DLGAP2: variants seen among roughly 807,000 people sequenced by gnomAD.
DLGAP2 encodes DLG associated protein 2.
Under a neutral mutation model 100.3 loss-of-function variants are expected in DLGAP2, and 26 were observed. The observed-to-expected ratio is 0.26, with a 90% CI of 0.19 to 0.36. The LOEUF (loss-of-function observed/expected upper bound fraction) is 0.36, where lower values mean the gene tolerates loss of function less well. Among genes scored for constraint, DLGAP2 ranks in the 10% least tolerant of loss-of-function variants. The probability of loss-of-function intolerance (pLI) is 1.00; values close to 1 mark genes in which losing one functional copy is unlikely to be tolerated. For missense variants in DLGAP2, 1,858 were observed against 1,453.2 expected, an observed-to-expected ratio of 1.28 and a Z score of -4.53; for synonymous variants, 886 against 630.1, an observed-to-expected ratio of 1.41 and a Z score of -6.08.
chr8:1,266,326 C>A (rs1049099006), intron 3 of DLGAP2, among the ~76,000 whole-genome samples: 2 of 152,344 alleles, frequency 1.3e-5, no homozygotes, highest in East Asian at 3.9e-4. Context: ...CAGGACGCTT[C>A]TGGTTTCCAG....
rs143861116 is a variant in DLGAP2, at chr8:1,421,935, T to C, written c.107-79431T>C. Among the ~76,000 whole-genome samples, 17 of 151,974 alleles carry C rather than the reference T, an allele frequency of 1.1e-4. No individual in the cohort carries two copies. In the East Asian group the frequency reaches 3.3e-3, roughly 29 times the overall value. On this transcript the variant is annotated intron_variant, in intron 3 of 14. Coordinates refer to ENST00000637795, the MANE Select transcript of DLGAP2 (RefSeq NM_001346810.2). ...GAGCCGTGATCATGCCATTGCACTC[T>C]AGCCTGGGCGACAAAGTGAGACTCC... is the stretch of plus-strand genomic sequence containing the variant.
Position 899,943 on chromosome 8 carries a change from G to A in DLGAP2, c.19-7969G>A, listed in dbSNP as rs369362068. On this transcript the variant is annotated intron_variant, in intron 1 of 14. Transcript: ENST00000637795. ...ATGCACCCTCCCTCCCGAGGCCAGC[G>A]GGAACAGCGAGAATCACCATCCCAG... Among the ~76,000 whole-genome samples the A allele has an allele frequency of 2.1e-3, 322 of 152,316 alleles. 1 individual carries two copies. Among genetic ancestry groups the A allele is most frequent in the African/African-American group, 7.5e-3 (311 of 41,556 alleles).
intron 2 of DLGAP2, among the ~76,000 whole-genome samples, chr8:1,208,624 C>T (rs915064551): frequency 1.3e-5 from 2 of 152,084 alleles, no homozygotes; most frequent in South Asian, 4.2e-4. Context: ...GAAGTCCTAG[C>T]CAGAGCAATC....
chr8:781,807 T>A lies in DLGAP2; in HGVS notation c.18+43982T>A, dbSNP rs923986111. On this transcript the variant is annotated intron_variant, in intron 1 of 14. Coordinates refer to ENST00000637795, the MANE Select transcript of DLGAP2 (RefSeq NM_001346810.2). ...ATTTCCTGACATAGGTTTGTTAGAGTTTTTTTGCAACAACAATTATATAAC... is the reference window on the plus strand; with the variant it reads ...ATTTCCTGACATAGGTTTGTTAGAGATTTTTTGCAACAACAATTATATAAC... 2.0e-5 allele frequency among the ~76,000 whole-genome samples: 3 copies of A among 152,224 alleles called. 1 individual carries two copies. In the South Asian group the frequency reaches 6.2e-4, roughly 32 times the overall value.
At chr8:1,059,494 T>C (rs1163462418) in intron 2 of DLGAP2, among the ~76,000 whole-genome samples, 2 of 152,020 alleles carry the variant, frequency 1.3e-5, no homozygotes, top group African/African-American at 4.8e-5. Flanking sequence ...TGCAAGAGGA[T>C]TGAATGAGCA....
intron 2 of DLGAP2, among the ~76,000 whole-genome samples, chr8:979,055 G>A (rs561458298): frequency 6.6e-6 from 1 of 152,118 alleles, no homozygotes; most frequent in African/African-American, 2.4e-5. Flanking sequence ...GTGTTCAGGA[G>A]CATGCAGTCC....
chr8:834,820 A>G (rs1006940673), intron 1 of DLGAP2, among the ~76,000 whole-genome samples: 2 of 152,174 alleles, frequency 1.3e-5, no homozygotes, highest in Non-Finnish European at 2.9e-5. Context: ...CAGTATATCC[A>G]TGTAACAAAC....
chr8:1,475,472 G>C (rs766640019), intron 3 of DLGAP2, among the ~76,000 whole-genome samples: 17 of 152,130 alleles, frequency 1.1e-4, no homozygotes, highest in Non-Finnish European at 1.5e-4. Flanking sequence ...ATCAAAATGA[G>C]AGCACTCCGC....
intron 3 of DLGAP2, among the ~76,000 whole-genome samples, chr8:1,365,203 C>G (rs1326322404): frequency 1.3e-5 from 2 of 152,174 alleles, no homozygotes; most frequent in Admixed American, 6.5e-5. Context: ...GTCACTTCTA[C>G]CCGGTCCACA....
rs549583144 is a variant in DLGAP2, at chr8:1,696,669, C to T, written c.2797-478C>T. Among the ~76,000 whole-genome samples the T allele has an allele frequency of 1.1e-4, 16 of 152,276 alleles. No homozygotes were observed. In the South Asian group the frequency reaches 1.2e-3, roughly 12 times the overall value. On this transcript the variant is annotated intron_variant, in intron 13 of 14. Coordinates refer to ENST00000637795, the MANE Select transcript of DLGAP2 (RefSeq NM_001346810.2). The stretch of plus-strand genomic sequence containing the variant: ...TTGGTGAGAGCATCCTGTTCCTTGG[C>T]GCATTACATTTGTAAGGTGTCATCA...
chr8:1,592,127 G>A (rs1284657650), intron 6 of DLGAP2, among the ~76,000 whole-genome samples: 1 of 152,188 alleles, frequency 6.6e-6, no homozygotes, highest in Admixed American at 6.5e-5. Context: ...TGCAGAGCAA[G>A]GTGCCCCAGC....
At chr8:1,183,150 G>A (rs147019142) in intron 2 of DLGAP2, among the ~76,000 whole-genome samples, 3,705 of 152,150 alleles carry the variant, frequency 0.024, 90 homozygotes, top group African/African-American at 0.063. Flanking sequence ...AGGGAAACAA[G>A]GAGCTAGGTA....
chr8:738,129 C>T (rs1289320632), intron 1 of DLGAP2: 1 of 215,542 alleles, frequency 4.6e-6, no homozygotes, highest in Non-Finnish European at 9.1e-6. Context: ...GTGTGAAATT[C>T]TCCGCTCTGC....
At chr8:1,011,834 C>T (rs915344862) in intron 2 of DLGAP2, among the ~76,000 whole-genome samples, 18 of 148,622 alleles carry the variant, frequency 1.2e-4, no homozygotes, top group Admixed American at 6.8e-4. Flanking sequence ...GGGCCCTGGG[C>T]GAGGGTGTCA....
chr8:1,451,167 C>T (rs1798148829), intron 3 of DLGAP2, among the ~76,000 whole-genome samples: 1 of 152,152 alleles, frequency 6.6e-6, no homozygotes, highest in Non-Finnish European at 1.5e-5. Flanking sequence ...CCGCCGCTGC[C>T]AGTGCTGCTG....
chr8:1,580,895 C>CCG (rs1204697920), intron 6 of DLGAP2, among the ~76,000 whole-genome samples: 1 of 151,750 alleles, frequency 6.6e-6, no homozygotes, highest in Non-Finnish European at 1.5e-5. Flanking sequence ...AGACAAAACC[C>CCG]CACACATCTA....
At chr8:1,149,247 G>C (rs1029136391) in intron 2 of DLGAP2, among the ~76,000 whole-genome samples, 1 of 152,056 alleles carries the variant, frequency 6.6e-6, no homozygotes, top group Non-Finnish European at 1.5e-5. Flanking sequence ...CTGGGTTCAC[G>C]CCATTCTCCC....
intron 3 of DLGAP2, among the ~76,000 whole-genome samples, chr8:1,392,178 C>G (rs1443246309): frequency 6.6e-6 from 1 of 152,190 alleles, no homozygotes; most frequent in Non-Finnish European, 1.5e-5. Context: ...CCCCTGAGTT[C>G]CAGGCTCGGG....
chr8:1,570,000 A>G (rs1802590539), intron 6 of DLGAP2, among the ~76,000 whole-genome samples: 1 of 152,144 alleles, frequency 6.6e-6, no homozygotes, highest in Admixed American at 6.5e-5. Flanking sequence ...CTGTGGGGAG[A>G]GGAGAGAAAG....
Sources: gnomAD v4.1 joint callset for allele counts (sites outside exome capture counted in the v4.1 genomes callset) on GRCh38, gnomAD v4.1.1 for gene constraint, MANE v1.5 for transcripts, NCBI Gene and HGNC (gene_info 2026-07-23, HGNC 2026-07-21) for gene names.